TMEM132D: variants seen among roughly 807,000 people sequenced by gnomAD.
TMEM132D encodes transmembrane protein 132D, also known as mature OL transmembrane protein.
Under a neutral mutation model 62.3 loss-of-function variants are expected in TMEM132D, and 21 were observed. The observed-to-expected ratio is 0.34, with a 90% CI of 0.24 to 0.49. The LOEUF (loss-of-function observed/expected upper bound fraction) is 0.49. Ranked by LOEUF, TMEM132D falls within the 20% of genes least tolerant of loss-of-function variation. TMEM132D has a pLI of 0.99. For missense variants in TMEM132D, 1,346 were observed against 1,402.8 expected (o/e 0.96, Z 0.65); for synonymous variants, 621 against 575.6 (o/e 1.08, Z -1.13).
At chr12:129,266,066 G>A (rs1288336649) in intron 4 of TMEM132D, among the ~76,000 whole-genome samples, 2 of 152,044 alleles carry the variant, frequency 1.3e-5, no homozygotes, top group East Asian at 1.9e-4. Context: ...AGAGATTTTT[G>A]TCTTGGCTCC....
Position 129,486,094 on chromosome 12 carries a change from C to G in TMEM132D, c.1115+44965G>C, listed in dbSNP as rs78053220. Among the ~76,000 whole-genome samples, 176 of 152,254 alleles carry G rather than the reference C, an allele frequency of 1.2e-3. 3 individuals are homozygous for G. The East Asian group carries it at 0.032, about 28-fold the overall frequency. The stretch of plus-strand genomic sequence containing the variant: ...AGGTGGAAAATGTAGAGGAACCAAG[C>G]TCGTGGGAGCCACCTTCCATGGAAG... On this transcript the variant is annotated intron_variant, in intron 3 of 8. Transcript: ENST00000422113.
intron 4 of TMEM132D, among the ~76,000 whole-genome samples, chr12:129,295,414 A>C (rs2135622769): frequency 6.6e-6 from 1 of 150,816 alleles, no homozygotes; most frequent in Admixed American, 6.6e-5. Context: ...CCTGCCTCTG[A>C]AATCATATTA....
rs958765093 is a variant in TMEM132D at position 129,133,658 on chromosome 12, C to T, written c.1444-48956G>A. Among the ~76,000 whole-genome samples the T allele has an allele frequency of 3.3e-5, 5 of 152,282 alleles. No homozygotes were observed. In the South Asian group the frequency reaches 6.2e-4, roughly 19 times the overall value. The stretch of plus-strand genomic sequence containing the variant: ...ACATCTGTTGCTTTTGTCTTTCTTG[C>T]GTTTATCCCAGTTATTTTTTCAGAC... On this transcript the variant is annotated intron_variant, in intron 5 of 8. Transcript: ENST00000422113.
intron 3 of TMEM132D, among the ~76,000 whole-genome samples, chr12:129,500,471 C>T (rs1875105950): frequency 6.6e-6 from 1 of 152,182 alleles, no homozygotes; most frequent in African/African-American, 2.4e-5. Context: ...GCCTAGATTG[C>T]TAACAATTGT....
At chr12:129,273,131 G>A (rs1031099539) in intron 4 of TMEM132D, among the ~76,000 whole-genome samples, 1 of 151,818 alleles carries the variant, frequency 6.6e-6, no homozygotes, top group African/African-American at 2.4e-5. Context: ...GGGAGGTGGA[G>A]GTTGCAGTGA....
chr12:129,514,858 T>C (rs11833036), intron 3 of TMEM132D, among the ~76,000 whole-genome samples: 1,698 of 152,294 alleles, frequency 0.011, 29 homozygotes, highest in African/African-American at 0.034. Flanking sequence ...ATTGCAGCAC[T>C]GTTCCTATGG....
chr12:129,889,086 C>T (rs1874839444), intron 1 of TMEM132D, among the ~76,000 whole-genome samples: 1 of 152,086 alleles, frequency 6.6e-6, no homozygotes, highest in Non-Finnish European at 1.5e-5. Context: ...GCCATTTTGT[C>T]TAGATGAGGG....
At chr12:129,320,387 A>T (rs1159839346) in intron 4 of TMEM132D, among the ~76,000 whole-genome samples, 2 of 152,234 alleles carry the variant, frequency 1.3e-5, no homozygotes, top group Non-Finnish European at 2.9e-5. Flanking sequence ...ACCAAGAGTT[A>T]TTTAAACCCA....
At chr12:129,476,214 G>T (rs1370826827) in intron 3 of TMEM132D, among the ~76,000 whole-genome samples, 1 of 152,202 alleles carries the variant, frequency 6.6e-6, no homozygotes, top group East Asian at 1.9e-4. Flanking sequence ...GCATGTGTGT[G>T]TCCATCCACA....
At chr12:129,804,426 C>A in intron 1 of TMEM132D, among the ~76,000 whole-genome samples, 1 of 137,534 alleles carries the variant, frequency 7.3e-6, no homozygotes, top group Non-Finnish European at 1.6e-5. Flanking sequence ...ATAAACAGAG[C>A]CAAAGACAAA....
intron 1 of TMEM132D, among the ~76,000 whole-genome samples, chr12:129,706,879 A>G (rs970291648): frequency 1.3e-5 from 2 of 151,842 alleles, no homozygotes; most frequent in Admixed American, 1.3e-4. Context: ...TTTCCATTAT[A>G]CTATATTTAC....
chr12:129,569,525 C>T (rs1394710818), intron 2 of TMEM132D, among the ~76,000 whole-genome samples: 1 of 152,054 alleles, frequency 6.6e-6, no homozygotes, highest in Non-Finnish European at 1.5e-5. Flanking sequence ...TATAGAGAGG[C>T]AAAGGCAAAT....
intron 1 of TMEM132D, among the ~76,000 whole-genome samples, chr12:129,720,398 C>T (rs2398469): frequency 0.52 from 78,401 of 152,026 alleles, 20,616 homozygotes; most frequent in Middle Eastern, 0.63. Flanking sequence ...CCCAGTATTG[C>T]TTGGTTGGAG....
intron 1 of TMEM132D, among the ~76,000 whole-genome samples, chr12:129,710,264 C>T (rs1448942964): frequency 1.3e-5 from 2 of 151,916 alleles, no homozygotes; most frequent in African/African-American, 4.8e-5. Context: ...TTCCCATTAT[C>T]GCTAATGGTC....
intron 3 of TMEM132D, among the ~76,000 whole-genome samples, chr12:129,430,600 C>A (rs899970594): frequency 1.3e-5 from 2 of 152,170 alleles, no homozygotes; most frequent in African/African-American, 4.8e-5. Context: ...CCACACCCAG[C>A]CCAGTTCTAC....
chr12:129,077,799 TACAAC>T (rs68132082), intron 8 of TMEM132D, among the ~76,000 whole-genome samples: 22,620 of 151,770 alleles, frequency 0.15, 1,990 homozygotes, highest in South Asian at 0.21. Flanking sequence ...CAGGTGCCTA[TACAAC>T]ACAAGCACAC....
intron 5 of TMEM132D, among the ~76,000 whole-genome samples, chr12:129,122,503 A>G (rs753478466): frequency 6.6e-6 from 1 of 152,198 alleles, no homozygotes; most frequent in Non-Finnish European, 1.5e-5. Context: ...TTATCTCTGT[A>G]TCTCCAGGAC....
At chr12:129,774,856 C>T (rs1870866772) in intron 1 of TMEM132D, among the ~76,000 whole-genome samples, 1 of 152,190 alleles carries the variant, frequency 6.6e-6, no homozygotes, top group Non-Finnish European at 1.5e-5. Flanking sequence ...CTTTCGGCAG[C>T]ATGACCTTGG....
chr12:129,351,233 C>G (rs189027970), intron 3 of TMEM132D, among the ~76,000 whole-genome samples: 3 of 152,256 alleles, frequency 2.0e-5, no homozygotes, highest in African/African-American at 7.2e-5. Context: ...AGGATGCATC[C>G]TCACCAAATT....
Sources: gnomAD v4.1 joint callset for allele counts (sites outside exome capture counted in the v4.1 genomes callset) on GRCh38, gnomAD v4.1.1 for gene constraint, MANE v1.5 for transcripts, NCBI Gene and HGNC (gene_info 2026-07-23, HGNC 2026-07-21) for gene names.